SLC44A1: variants seen among roughly 807,000 people sequenced by gnomAD.
SLC44A1 encodes the protein solute carrier family 44 member 1, also known as choline transporter-like protein 1.
In SLC44A1, 26 loss-of-function variants were observed where a neutral mutation model predicts 79.3. The observed-to-expected ratio is 0.33, with a 90% confidence interval of 0.24 to 0.46. The LOEUF (loss-of-function observed/expected upper bound fraction) is 0.46. Among genes scored for constraint, SLC44A1 ranks in the 20% least tolerant of loss-of-function variants. The pLI, the probability that SLC44A1 is intolerant of heterozygous loss-of-function variation, is 1.00. For missense variants in SLC44A1, 688 were observed against 798.1 expected (o/e 0.86, Z 1.66); for synonymous variants, 263 against 286.2 (o/e 0.92, Z 0.82).
At chr9:105,355,931 ATG>A (rs149701367) in intron 5 of SLC44A1, 8,137 of 331,852 alleles carry the variant, frequency 0.025, no homozygotes, top group South Asian at 0.035. Context: ...GTGTGTGTGT[ATG>A]TGTGTGTGTG....
At chr9:105,334,614 G>A (rs1826854308) in intron 3 of SLC44A1, among the ~76,000 whole-genome samples, 1 of 152,166 alleles carries the variant, frequency 6.6e-6, no homozygotes, top group African/African-American at 2.4e-5. Context: ...TTAGGTGGAA[G>A]CATTCCTTCT....
At chr9:105,248,104 A>G (rs561732699) in intron 1 of SLC44A1, among the ~76,000 whole-genome samples, 2 of 152,220 alleles carry the variant, frequency 1.3e-5, no homozygotes, top group Non-Finnish European at 2.9e-5. Context: ...CAACACATGA[A>G]AACAGTGTGC....
At chr9:105,381,260 C>T (rs1356947612) in intron 13 of SLC44A1, among the ~76,000 whole-genome samples, 1 of 152,048 alleles carries the variant, frequency 6.6e-6, no homozygotes, top group Non-Finnish European at 1.5e-5. Context: ...GAAGTAATGA[C>T]CAGGCGCGGT....
At chr9:105,274,650 T>C (rs1013419219) in intron 1 of SLC44A1, among the ~76,000 whole-genome samples, 2 of 152,260 alleles carry the variant, frequency 1.3e-5, no homozygotes, top group Non-Finnish European at 2.9e-5. Context: ...CAAGTTCTTC[T>C]GCCCAGAATT....
chr9:105,334,905 C>T (rs7856524), intron 3 of SLC44A1, among the ~76,000 whole-genome samples: 98 of 152,000 alleles, frequency 6.4e-4, no homozygotes, highest in African/African-American at 1.1e-3. Flanking sequence ...TATTTACTGC[C>T]GTTATATCAG....
At position 105,394,019 on chromosome 9, in the gene SLC44A1, C is replaced by T. The variant is rs1828822025; in HGVS notation, c.*4963C>T. On this transcript the variant is annotated 3_prime_UTR_variant, in exon 16 of 16. Coordinates refer to ENST00000374720, the MANE Select transcript of SLC44A1 (RefSeq NM_080546.5). ...AAGTTATTTTGAAGAGACAATGGGT[C>T]TCTTTGAGCTTAAGAAAGCTATGGA... 1.0e-6 allele frequency: 1 copy of T among 985,206 alleles called. No homozygotes were observed. Among genetic ancestry groups the T allele is most frequent in the Non-Finnish European group, 1.2e-6 (1 of 829,754 alleles). 61.0% of individuals were successfully genotyped at this position (985,206 alleles called of 1,614,324 possible). A position where few individuals can be genotyped will look rare whatever the true frequency, so the allele number is the denominator to read the frequency against.
chr9:105,276,274 T>C (rs1830198714), intron 1 of SLC44A1, among the ~76,000 whole-genome samples: 1 of 152,206 alleles, frequency 6.6e-6, no homozygotes, highest in African/African-American at 2.4e-5. Flanking sequence ...TTTATACCTC[T>C]TCAAATATTT....
intron 1 of SLC44A1, among the ~76,000 whole-genome samples, chr9:105,249,710 T>A (rs1166504355): frequency 6.6e-6 from 1 of 151,046 alleles, no homozygotes; most frequent in African/African-American, 2.4e-5. Context: ...TTTTTTTGTA[T>A]TTTTAGTAGA....
chr9:105,257,031 C>T (rs1459322101), intron 1 of SLC44A1, among the ~76,000 whole-genome samples: 1 of 151,936 alleles, frequency 6.6e-6, no homozygotes, highest in Non-Finnish European at 1.5e-5. Context: ...GGTAATCCAC[C>T]CGCCTTGGCC....
chr9:105,245,669 A>T (rs544504688), intron 1 of SLC44A1, among the ~76,000 whole-genome samples: 50 of 152,348 alleles, frequency 3.3e-4, no homozygotes, highest in Middle Eastern at 3.4e-3. Flanking sequence ...CCAGTGTAAC[A>T]GGAGGAAGAG....
At chr9:105,431,556 C>T (rs553897063) in intron 15 of SLC44A1, among the ~76,000 whole-genome samples, 9 of 152,250 alleles carry the variant, frequency 5.9e-5, no homozygotes, top group South Asian at 2.1e-4. Flanking sequence ...TGTCAGCTGA[C>T]GTGAGTAAGA....
chr9:105,328,019 T>C (rs1361648481), intron 3 of SLC44A1, among the ~76,000 whole-genome samples: 1 of 152,164 alleles, frequency 6.6e-6, no homozygotes, highest in African/African-American at 2.4e-5. Flanking sequence ...TAAACGAGAG[T>C]ATTTCTCTGT....
chr9:105,398,275 T>C (rs931597890), downstream of SLC44A1, among the ~76,000 whole-genome samples: 8 of 152,264 alleles, frequency 5.3e-5, no homozygotes, highest in Non-Finnish European at 1.0e-4. Flanking sequence ...TGGATTTTTC[T>C]TGAGAGGCTG....
chr9:105,303,867 T>C (rs10820793), intron 2 of SLC44A1, among the ~76,000 whole-genome samples: 33,126 of 151,964 alleles, frequency 0.22, 6,471 homozygotes, highest in African/African-American at 0.53. Context: ...ACCTCTTCCT[T>C]TAGTATGTTG....
intron 15 of SLC44A1, among the ~76,000 whole-genome samples, chr9:105,415,598 G>A (rs1343221449): frequency 1.3e-5 from 2 of 152,134 alleles, no homozygotes; most frequent in Non-Finnish European, 2.9e-5. Context: ...TGCTGGTTGA[G>A]AGTGACAATT....
chr9:105,339,772 G>C (rs1212985773), intron 4 of SLC44A1, among the ~76,000 whole-genome samples: 1 of 152,154 alleles, frequency 6.6e-6, no homozygotes, highest in African/African-American at 2.4e-5. Flanking sequence ...AGTGAGCTGA[G>C]ATTATGCCAC....
intron 1 of SLC44A1, among the ~76,000 whole-genome samples, chr9:105,285,186 TA>T (rs1830446307): frequency 6.6e-6 from 1 of 152,252 alleles, no homozygotes; most frequent in African/African-American, 2.4e-5. Flanking sequence ...GTGATTTTTT[TA>T]ATAGCAAAGT....
chr9:105,390,199 T>C lies in SLC44A1; in HGVS notation c.*1143T>C, dbSNP rs1828727974. 1.7e-6 allele frequency: 2 copies of C among 1,159,214 alleles called. No homozygotes were observed. The highest frequency in any genetic ancestry group is 1.1e-6 in the Non-Finnish European group (1 of 940,970). The allele number at this position is 1,159,214 out of a possible 1,614,324, so 71.8% of individuals were successfully genotyped here. A position where few individuals can be genotyped will look rare whatever the true frequency, so the allele number is the denominator to read the frequency against. ...GGTGGGTTTGGGGTTTTTTGCTTTT[T>C]TATTCCTGAAGCTTACCAGATATGA... On this transcript the variant is annotated 3_prime_UTR_variant, in exon 16 of 16. Coordinates refer to ENST00000374720, the MANE Select transcript of SLC44A1 (RefSeq NM_080546.5).
At chr9:105,339,231 T>TA (rs111867599) in intron 4 of SLC44A1, among the ~76,000 whole-genome samples, 8,352 of 148,262 alleles carry the variant, frequency 0.056, 308 homozygotes, top group Middle Eastern at 0.11. Context: ...AGATCTACTA[T>TA]AAAAAAAAAA....
Sources: allele counts gnomAD v4.1 joint callset (sites outside exome capture counted in the v4.1 genomes callset), GRCh38; gene constraint gnomAD v4.1.1; transcripts MANE v1.5; gene names NCBI Gene and HGNC (gene_info 2026-07-23, HGNC 2026-07-21).